The following GALNT18 variants were observed in gnomAD, a reference collection of about 807,000 sequenced individuals.
GALNT18 encodes the protein polypeptide N-acetylgalactosaminyltransferase 18.
In GALNT18, 44 loss-of-function variants were observed where a neutral mutation model predicts 69.5. The observed-to-expected ratio is 0.63, with a 90% CI of 0.50 to 0.81. GALNT18 has a LOEUF of 0.81. Ranked by LOEUF, GALNT18 falls within the 40% of genes least tolerant of loss-of-function variation. The pLI, the probability that GALNT18 is intolerant of heterozygous loss-of-function variation, is 0.00. For missense variants in GALNT18, 715 were observed against 810.0 expected (o/e 0.88, Z 1.42); for synonymous variants, 364 against 318.2 (o/e 1.14, Z -1.53).
Position 11,496,997 on chromosome 11 carries a change from T to G in GALNT18, c.236-48061A>C, listed in dbSNP as rs75188797. On this transcript the variant is annotated intron_variant, in intron 1 of 10. Coordinates refer to ENST00000227756, the MANE Select transcript of GALNT18 (RefSeq NM_198516.3). This position sits in a 1 kb window ranked among gnomAD's most constrained non-coding sequence, Gnocchi z 4.0. ...TCCACCGTGGTCTCCAAGGGCCTCATCGGTCCTGCTCATCCCATCCTTCTC... is the reference window on the plus strand; with the variant it reads ...TCCACCGTGGTCTCCAAGGGCCTCAGCGGTCCTGCTCATCCCATCCTTCTC... Among the ~76,000 whole-genome samples, 1 of 152,158 alleles carries G rather than the reference T, an allele frequency of 6.6e-6. No individual in the cohort carries two copies. The highest frequency in any genetic ancestry group is 1.5e-5 in the Non-Finnish European group (1 of 68,038).
At chr11:11,420,344 G>A (rs1055499137) in intron 3 of GALNT18, among the ~76,000 whole-genome samples, 38 of 152,112 alleles carry the variant, frequency 2.5e-4, no homozygotes, top group Admixed American at 1.5e-3. Flanking sequence ...CTCATCTTCC[G>A]AAAGATAATT....
At chr11:11,486,061 G>A (rs1471998143) in intron 1 of GALNT18, among the ~76,000 whole-genome samples, 2 of 152,194 alleles carry the variant, frequency 1.3e-5, no homozygotes, top group African/African-American at 4.8e-5. Context: ...AGGCCACCTT[G>A]AGTCCCTGGG....
intron 1 of GALNT18, among the ~76,000 whole-genome samples, chr11:11,526,330 C>T (rs1202989663): frequency 1.3e-5 from 2 of 152,030 alleles, no homozygotes; most frequent in Non-Finnish European, 2.9e-5. Context: ...TAGAATAGCA[C>T]GACTTTGTGA....
At chr11:11,471,589 T>A (rs755330801) in intron 1 of GALNT18, among the ~76,000 whole-genome samples, 1 of 152,206 alleles carries the variant, frequency 6.6e-6, no homozygotes, top group South Asian at 2.1e-4. Context: ...AGCTCCACCA[T>A]GAAATTTTTA....
Position 11,613,926 on chromosome 11 carries a change from T to C in GALNT18, c.235+7433A>G, listed in dbSNP as rs1376132682. Among the ~76,000 whole-genome samples the C allele has an allele frequency of 1.3e-5, 2 of 152,152 alleles. No individual in the cohort carries two copies. Among genetic ancestry groups the C allele is most frequent in the African/African-American group, 4.8e-5 (2 of 41,424 alleles). ...GCTGCCTTCTGGTTACATTTATCACTCACATTCAGCCGGGTTTTCCCTCCA... is the reference window on the plus strand; with the variant it reads ...GCTGCCTTCTGGTTACATTTATCACCCACATTCAGCCGGGTTTTCCCTCCA... On this transcript the variant is annotated intron_variant, in intron 1 of 10. Coordinates refer to ENST00000227756, the MANE Select transcript of GALNT18 (RefSeq NM_198516.3). The surrounding 1 kb of genome is among the most constrained non-coding windows in gnomAD (Gnocchi z 4.2).
chr11:11,362,924 T>C (rs1850676426), intron 6 of GALNT18, among the ~76,000 whole-genome samples: 1 of 152,160 alleles, frequency 6.6e-6, no homozygotes, highest in Non-Finnish European at 1.5e-5. Context: ...CAAAAGGAAA[T>C]TGGTAGAACA....
chr11:11,516,198 C>A (rs1045230470), intron 1 of GALNT18, among the ~76,000 whole-genome samples: 1 of 152,234 alleles, frequency 6.6e-6, no homozygotes, highest in South Asian at 2.1e-4. Context: ...CACAGTCAAC[C>A]TATACAATGT....
chr11:11,410,845 C>T (rs1589979124), intron 3 of GALNT18, among the ~76,000 whole-genome samples: 1 of 152,202 alleles, frequency 6.6e-6, no homozygotes, highest in South Asian at 2.1e-4. Context: ...TTACTTAACC[C>T]AAGCTGTTAG....
rs2133986307 is a variant in GALNT18 at position 11,563,346 on chromosome 11, GTT to G, written c.235+58011_235+58012del. On this transcript the variant is annotated intron_variant, in intron 1 of 10. Transcript: ENST00000227756. This position sits in a 1 kb window ranked among gnomAD's most constrained non-coding sequence, Gnocchi z 4.6. ...TGCTCCAGTCATCTAAGTAAGGCTT[GTT>G]GGTAGAGGAACAGCCGAGATCTGGA... 6.6e-6 allele frequency among the ~76,000 whole-genome samples: 1 copy of G among 152,210 alleles called. No homozygotes were observed. Among genetic ancestry groups the G allele is most frequent in the East Asian group, 1.9e-4 (1 of 5,176 alleles).
chr11:11,531,428 G>A (rs941803499), intron 1 of GALNT18, among the ~76,000 whole-genome samples: 3 of 152,200 alleles, frequency 2.0e-5, no homozygotes, highest in Admixed American at 2.0e-4. Context: ...GTGCTTGCGT[G>A]TACATAAGTG....
At chr11:11,525,917 AGCCACCGTGCCCG>A (rs1465012583) in intron 1 of GALNT18, among the ~76,000 whole-genome samples, 2 of 152,082 alleles carry the variant, frequency 1.3e-5, no homozygotes, top group African/African-American at 4.8e-5. Flanking sequence ...TACACTCATG[AGCCACCGTGCCCG>A]GCCACGCATA....
intron 9 of GALNT18, among the ~76,000 whole-genome samples, chr11:11,304,200 AGT>A (rs1358860469): frequency 1.3e-5 from 2 of 152,236 alleles, no homozygotes; most frequent in Non-Finnish European, 2.9e-5. Flanking sequence ...GAGCTGTCCT[AGT>A]TCCTGCCTTT....
In GALNT18 at chr11:11,596,610, C is replaced by A. The variant is rs927955736; in HGVS notation, c.235+24749G>T. Among the ~76,000 whole-genome samples the A allele has an allele frequency of 6.6e-6, 1 of 152,008 alleles. No homozygotes were observed. The highest frequency in any genetic ancestry group is 1.5e-5 in the Non-Finnish European group (1 of 67,968). On this transcript the variant is annotated intron_variant, in intron 1 of 10. Coordinates refer to ENST00000227756, the MANE Select transcript of GALNT18 (RefSeq NM_198516.3). The surrounding 1 kb of genome is among the most constrained non-coding windows in gnomAD (Gnocchi z 4.2). Reference sequence around the variant, plus strand: ...TTAATTTCTTCCTAAGCATTTTATTCTTTTTGATTCCATTATACATGATTT... The same window carrying A: ...TTAATTTCTTCCTAAGCATTTTATTATTTTTGATTCCATTATACATGATTT...
chr11:11,443,151 G>A (rs912887193), intron 2 of GALNT18, among the ~76,000 whole-genome samples: 6 of 152,168 alleles, frequency 3.9e-5, no homozygotes, highest in African/African-American at 1.4e-4. Context: ...GAACTGGAGA[G>A]CACACATGTT....
rs1174084764 is a variant in GALNT18 at position 11,606,467 on chromosome 11, TTC to T, written c.235+14890_235+14891del. ...GGTACATGGCTGATAAATGTGAATT[TTC>T]TCTCTTTTTTCCTCTCCTTGACATA... is the stretch of plus-strand genomic sequence containing the variant. On this transcript the variant is annotated intron_variant, in intron 1 of 10. Transcript: ENST00000227756. This position sits in a 1 kb window ranked among gnomAD's most constrained non-coding sequence, Gnocchi z 5.4. Among the ~76,000 whole-genome samples, 2 of 152,344 alleles carry T rather than the reference TTC, an allele frequency of 1.3e-5. No homozygotes were observed. The highest frequency in any genetic ancestry group is 1.9e-4 in the East Asian group (1 of 5,188).
rs754708808 is a variant in GALNT18, at chr11:11,327,139, G to A, written c.1459C>T (p.Pro487Ser). Residue 487 changes from proline to serine, a missense_variant, in exon 9 of 11, where the codon CCA (proline) becomes TCA (serine). Physicochemically the swap from Pro to Ser is moderately conservative, Grantham distance 74. Coordinates refer to ENST00000227756, the MANE Select transcript of GALNT18 (RefSeq NM_198516.3). Reference protein sequence around the residue: ...LKTDLCLDQGPDTENVPIMYI... With the variant: ...LKTDLCLDQGSDTENVPIMYI... ...ATGATGGGGACATTCTCTGTATCTG[G>A]CCCCTGGTCAAGACACAAATCAGTC... 1 of 1,613,912 alleles carries A rather than the reference G, an allele frequency of 6.2e-7. No homozygotes were observed. Among genetic ancestry groups the A allele is most frequent in the African/African-American group, 1.3e-5 (1 of 74,896 alleles).
chr11:11,440,971 AGGTTTTAACTACTACT>A (rs1855521155), intron 2 of GALNT18, among the ~76,000 whole-genome samples: 1 of 152,190 alleles, frequency 6.6e-6, no homozygotes, highest in Non-Finnish European at 1.5e-5. Flanking sequence ...GTGGGGAACC[AGGTTTTAACTACTACT>A]CTATAATCTA....
At chr11:11,376,246 G>C (rs11603578) in intron 5 of GALNT18, among the ~76,000 whole-genome samples, 9,759 of 152,252 alleles carry the variant, frequency 0.064, 445 homozygotes, top group Middle Eastern at 0.23. Context: ...GCCAGGTGCA[G>C]TGGCAGGTGC....
intron 1 of GALNT18, among the ~76,000 whole-genome samples, chr11:11,575,671 G>T (rs1057153121): frequency 2.8e-4 from 42 of 152,214 alleles, no homozygotes; most frequent in South Asian, 2.1e-4. Context: ...GATGTAAGCT[G>T]CTCCCCTTCC....
Sources: allele counts gnomAD v4.1 joint callset (sites outside exome capture counted in the v4.1 genomes callset), GRCh38; gene constraint gnomAD v4.1.1; non-coding constraint Gnocchi (gnomAD v3.1); transcripts MANE v1.5; gene names NCBI Gene and HGNC (gene_info 2026-07-23, HGNC 2026-07-21).